The following PRKCQ variants were observed in gnomAD, a reference collection of about 807,000 sequenced individuals.
PRKCQ encodes the protein protein kinase C theta type.
PRKCQ carries 41 observed loss-of-function variants against 91.2 expected under a neutral mutation model. The ratio of observed to expected loss-of-function variants is 0.45; its 90% CI spans 0.35 to 0.58. The LOEUF is 0.58. Among genes scored for constraint, PRKCQ ranks in the 20% least tolerant of loss-of-function variants. The probability of loss-of-function intolerance (pLI) is 0.00; values close to 1 mark genes in which losing one functional copy is unlikely to be tolerated. For synonymous variants in PRKCQ, 307 were observed against 316.9 expected (o/e 0.97, Z 0.33); for missense variants, 673 against 896.5 (o/e 0.75, Z 3.18).
chr10:6,485,282 C>G lies in PRKCQ; in HGVS notation c.901-13G>C, dbSNP rs769830391. On this transcript the variant is annotated splice_polypyrimidine_tract_variant and intron_variant, in intron 9 of 17. Transcript: ENST00000263125. ...TTAAGCAGCGAGCCTGGATGACAAA[C>G]AGAGAGTCAGACCACCCACCCACCC... 1 of 1,608,402 alleles carries G rather than the reference C, an allele frequency of 6.2e-7. No individual in the cohort carries two copies.
chr10:6,495,718 T>C (rs548003255), intron 7 of PRKCQ, among the ~76,000 whole-genome samples: 4 of 152,156 alleles, frequency 2.6e-5, no homozygotes, highest in East Asian at 3.9e-4. Context: ...ATTTGTGGAA[T>C]GAAAAAGGAA....
intron 1 of PRKCQ, among the ~76,000 whole-genome samples, chr10:6,555,730 G>A (rs1265436013): frequency 6.6e-6 from 1 of 152,094 alleles, no homozygotes; most frequent in Non-Finnish European, 1.5e-5. Flanking sequence ...TATGGGCCAG[G>A]TGGGCACGGT....
intron 1 of PRKCQ, among the ~76,000 whole-genome samples, chr10:6,560,996 A>C (rs1022181527): frequency 1.3e-5 from 2 of 148,634 alleles, no homozygotes; most frequent in African/African-American, 5.0e-5. Context: ...CCGAGATTGC[A>C]CCACTGCACT....
chr10:6,526,470 G>C (rs1459927334), intron 1 of PRKCQ, among the ~76,000 whole-genome samples: 1 of 152,162 alleles, frequency 6.6e-6, no homozygotes, highest in Non-Finnish European at 1.5e-5. Flanking sequence ...GCAGAGGAGG[G>C]AGGTGGGGAG....
Position 6,465,315 on chromosome 10 carries a change from G to A in PRKCQ, c.1354-911C>T, listed in dbSNP as rs988376421. 2.6e-5 allele frequency among the ~76,000 whole-genome samples: 4 copies of A among 152,096 alleles called. No homozygotes were observed. The highest frequency in any genetic ancestry group is 1.9e-4 in the East Asian group (1 of 5,184). On this transcript the variant is annotated intron_variant, in intron 12 of 17. Transcript: ENST00000263125. The surrounding 1 kb of genome is among the most constrained non-coding windows in gnomAD (Gnocchi z 4.4). The stretch of plus-strand genomic sequence containing the variant: ...GCAGAGGCAAGCCACAGTTTATGAC[G>A]GAGTTCTTCTGGCAGAGGACATGAT...
chr10:6,533,003 T>C (rs1839445856), intron 1 of PRKCQ, among the ~76,000 whole-genome samples: 1 of 152,216 alleles, frequency 6.6e-6, no homozygotes. Context: ...AGATTTTGTT[T>C]TTTTAAAAAA....
chr10:6,424,333 C>T (rs749626598), downstream of PRKCQ, among the ~76,000 whole-genome samples: 31 of 152,218 alleles, frequency 2.0e-4, no homozygotes, highest in South Asian at 4.1e-4. Flanking sequence ...TAAAGTTGAC[C>T]CTGTCCTCTC....
At chr10:6,404,575 CTTT>C in the PRKCQ span, among the ~76,000 whole-genome samples, 1 of 84,970 alleles carries the variant, frequency 1.2e-5, no homozygotes, top group African/African-American at 3.7e-5. Context: ...CCTTCTTTCT[CTTT>C]CTTTCTTTCT....
intron 8 of PRKCQ, among the ~76,000 whole-genome samples, chr10:6,491,200 C>G (rs986026811): frequency 1.3e-5 from 2 of 152,170 alleles, no homozygotes; most frequent in African/African-American, 4.8e-5. Context: ...AATTTCTGTG[C>G]AGGACCATGT....
intron 7 of PRKCQ, among the ~76,000 whole-genome samples, chr10:6,496,315 C>T (rs1837597205): frequency 6.6e-6 from 1 of 150,830 alleles, no homozygotes; most frequent in African/African-American, 2.4e-5. Context: ...CATAATGATA[C>T]ACTGCCCATG....
chr10:6,428,065 TCA>T lies in PRKCQ; in HGVS notation c.*140_*141del, dbSNP rs1485955317. 1 of 1,028,902 alleles carries T rather than the reference TCA, an allele frequency of 9.7e-7. No homozygotes were observed. Among genetic ancestry groups the T allele is most frequent in the Non-Finnish European group, 1.4e-6 (1 of 707,542 alleles). 63.7% of individuals were successfully genotyped at this position (1,028,902 alleles called of 1,614,324 possible). On this transcript the variant is annotated 3_prime_UTR_variant, in exon 18 of 18. Coordinates refer to ENST00000263125, the MANE Select transcript of PRKCQ (RefSeq NM_006257.5). ...ACTTGGTTTCTGCTACAGATAAAAG[TCA>T]CATGGGGGCGAACGGGTCTCAGTCT... is the stretch of plus-strand genomic sequence containing the variant.
chr10:6,518,687 G>T (rs758261537), intron 1 of PRKCQ, among the ~76,000 whole-genome samples: 1 of 152,098 alleles, frequency 6.6e-6, no homozygotes, highest in African/African-American at 2.4e-5. Context: ...CAGGCATGGT[G>T]GGGGGCACCT....
At chr10:6,475,978 C>T (rs147777078) in intron 12 of PRKCQ, among the ~76,000 whole-genome samples, 37 of 152,158 alleles carry the variant, frequency 2.4e-4, no homozygotes, top group Non-Finnish European at 4.3e-4. Context: ...CTCCCAGCAC[C>T]AATGCTGTGG....
chr10:6,491,747 C>T lies in PRKCQ; in HGVS notation c.726G>A (p.Pro242=), dbSNP rs150351067. 485 of 1,614,050 alleles carry T rather than the reference C, an allele frequency of 3.0e-4. 1 individual carries two copies. The highest frequency in any genetic ancestry group is 8.3e-4 in the South Asian group (76 of 91,090). ...GGGTCCCACAGTGTTCACAGAAGGTCGGGCTCTTGTAATTGTAGACTTTAA... is the reference window on the plus strand; with the variant it reads ...GGGTCCCACAGTGTTCACAGAAGGTTGGGCTCTTGTAATTGTAGACTTTAA... ...HRFKVYNYKS[P]TFCEHCGTLL... is the part of the protein sequence containing the mutation. The change falls in exon 8 of 18, where the codon CCG becomes CCA. Residue 242 remains proline, a synonymous_variant. Coordinates refer to ENST00000263125, the MANE Select transcript of PRKCQ (RefSeq NM_006257.5).
the PRKCQ span, among the ~76,000 whole-genome samples, chr10:6,404,417 T>G: frequency 6.7e-6 from 1 of 148,730 alleles, no homozygotes; most frequent in African/African-American, 2.5e-5. Flanking sequence ...CTTTCTTTCT[T>G]TTTTCTCTTT....
chr10:6,432,728 A>G (rs940912378), intron 16 of PRKCQ, among the ~76,000 whole-genome samples: 1 of 152,150 alleles, frequency 6.6e-6, no homozygotes, highest in African/African-American at 2.4e-5. Context: ...CTCGGCTGGC[A>G]TTCAAGGCTC....
chr10:6,547,966 T>A (rs1310095551), intron 1 of PRKCQ, among the ~76,000 whole-genome samples: 2 of 147,938 alleles, frequency 1.4e-5, no homozygotes. Context: ...TGGGAGAAAA[T>A]TTTCGCAACC....
chr10:6,439,769 G>T (rs1297379217), intron 16 of PRKCQ, among the ~76,000 whole-genome samples: 1 of 152,102 alleles, frequency 6.6e-6, no homozygotes, highest in Non-Finnish European at 1.5e-5. Context: ...AATTGACTTT[G>T]TGTTATTGGT....
At chr10:6,406,753 G>A in the PRKCQ span, among the ~76,000 whole-genome samples, 1 of 152,164 alleles carries the variant, frequency 6.6e-6, no homozygotes, top group Admixed American at 6.5e-5. Flanking sequence ...ATGGCTCACC[G>A]TCATTACCAT....
Sources: allele counts gnomAD v4.1 joint callset (sites outside exome capture counted in the v4.1 genomes callset), GRCh38; gene constraint gnomAD v4.1.1; non-coding constraint Gnocchi (gnomAD v3.1); transcripts MANE v1.5; gene names NCBI Gene and HGNC (gene_info 2026-07-23, HGNC 2026-07-21).